STARD9: variants seen among roughly 807,000 people sequenced by gnomAD.
The protein encoded by STARD9 is stAR-related lipid transfer protein 9.
In STARD9, 346 loss-of-function variants were observed where a neutral mutation model predicts 399.8. The ratio of observed to expected loss-of-function variants is 0.87; its 90% CI spans 0.79 to 0.95. The LOEUF (loss-of-function observed/expected upper bound fraction) is 0.95, where lower values mean the gene tolerates loss of function less well. STARD9 is among the 40% of genes least tolerant of loss of function. The pLI is 0.00. For missense variants in STARD9, 5,832 were observed against 5,667.5 expected, an observed-to-expected ratio of 1.03 and a Z score of -0.93; for synonymous variants, 2,203 against 2,143.5, an observed-to-expected ratio of 1.03 and a Z score of -0.77.
chr15:42,678,045 C>A (rs1004565015), intron 20 of STARD9, among the ~76,000 whole-genome samples: 2 of 152,210 alleles, frequency 1.3e-5, no homozygotes, highest in Non-Finnish European at 2.9e-5. Flanking sequence ...GCCTCTCCCA[C>A]CCACTGTCTC....
chr15:42,606,952 C>CATTG (rs936287437), intron 3 of STARD9, among the ~76,000 whole-genome samples: 20 of 151,352 alleles, frequency 1.3e-4, no homozygotes, highest in Non-Finnish European at 2.8e-4. Context: ...AAGTGTACTT[C>CATTG]ATTGATTGAT....
chr15:42,626,678 T>TA, intron 3 of STARD9, among the ~76,000 whole-genome samples: 1 of 151,172 alleles, frequency 6.6e-6, no homozygotes, highest in East Asian at 1.9e-4. Context: ...TTTTGTATTT[T>TA]TTTTTTTTTT....
chr15:42,652,237 T>C (rs181135911), intron 8 of STARD9, among the ~76,000 whole-genome samples: 1 of 151,868 alleles, frequency 6.6e-6, no homozygotes, highest in East Asian at 1.9e-4. Context: ...TAGTCTTCAT[T>C]TCCCTTTTCA....
In STARD9 at chr15:42,584,578, AG is replaced by A. The variant is rs571851383; in HGVS notation, c.118-940del. On this transcript the variant is annotated intron_variant, in intron 2 of 32. Transcript: ENST00000290607. ...TCTGTAGTTTATGATGGCTAGTGGC[AG>A]GGTTGTCTTTCCCTGTCCGGAGTGT... is the stretch of plus-strand genomic sequence containing the variant. Among the ~76,000 whole-genome samples the A allele has an allele frequency of 9.2e-5, 14 of 152,316 alleles. No individual in the cohort carries two copies. The South Asian group carries it at 2.9e-3, about 32-fold the overall frequency.
chr15:42,711,057 T>C (rs954054138), intron 26 of STARD9, among the ~76,000 whole-genome samples: 1 of 151,962 alleles, frequency 6.6e-6, no homozygotes, highest in African/African-American at 2.4e-5. Flanking sequence ...AGCTCATTCT[T>C]ACCTGCAACA....
chr15:42,588,649 C>T (rs2058329297), intron 3 of STARD9, among the ~76,000 whole-genome samples: 2 of 151,952 alleles, frequency 1.3e-5, no homozygotes, highest in South Asian at 4.1e-4. Flanking sequence ...AATTGGAGCT[C>T]AGGTTTAACC....
At position 42,686,421 on chromosome 15, in the gene STARD9, C is replaced by T. The variant is rs1440598880; in HGVS notation, c.4843C>T (p.Pro1615Ser). 6.5e-7 allele frequency: 1 copy of T among 1,537,702 alleles called. No homozygotes were observed. The highest frequency in any genetic ancestry group is 8.7e-7 in the Non-Finnish European group (1 of 1,147,002). Residue 1615 changes from proline (P) to serine (S), a missense_variant, in exon 23 of 33, where the codon CCA becomes TCA. Physicochemically the swap from Pro to Ser is moderately conservative, Grantham distance 74. This residue lies in a region of STARD9 where 5,828 missense variants were observed against 5,651.1 expected (regional missense o/e 1.03). Coordinates refer to ENST00000290607, the MANE Select transcript of STARD9 (RefSeq NM_020759.3). ...GGTCTTTGCAACAGAGAACGCGATA[C>T]CAGATTCCATGACAGAAGCATGTGA... ...AQVFATENAI[P>S]DSMTEACEVK...
chr15:42,651,599 T>A (rs2141991854), intron 8 of STARD9, among the ~76,000 whole-genome samples: 1 of 152,302 alleles, frequency 6.6e-6, no homozygotes, highest in South Asian at 2.1e-4. Flanking sequence ...TACTATGAAA[T>A]ACCTAGAATA....
At chr15:42,674,612 T>C in intron 17 of STARD9, 121 bp downstream of exon 17, 1 of 1,204,424 alleles carries the variant, frequency 8.3e-7, no homozygotes, top group Non-Finnish European at 1.2e-6. Flanking sequence ...CAGGGCCTGC[T>C]TCTCTTTCTG....
chr15:42,712,130 A>ATATATATAATATATATATTATATATT (rs1390998882), intron 26 of STARD9, among the ~76,000 whole-genome samples: 1 of 83,750 alleles, frequency 1.2e-5, no homozygotes, highest in African/African-American at 4.4e-5. Context: ...TATATATATA[A>ATATATATAATATATATATTATATATT]ATGTGCCTTT....
chr15:42,701,992 CAAA>C (rs57444195), intron 26 of STARD9, among the ~76,000 whole-genome samples: 5 of 44,996 alleles, frequency 1.1e-4, no homozygotes, highest in African/African-American at 3.0e-4. Flanking sequence ...GACTCTGACT[CAAA>C]AAAAAAAAAA....
At chr15:42,603,268 C>T (rs1034792511) in intron 3 of STARD9, among the ~76,000 whole-genome samples, 1 of 152,048 alleles carries the variant, frequency 6.6e-6, no homozygotes, top group South Asian at 2.1e-4. Flanking sequence ...ACTACAGGCA[C>T]GTGCTACCAC....
intron 3 of STARD9, among the ~76,000 whole-genome samples, chr15:42,626,674 A>G (rs1266781992): frequency 8.5e-6 from 1 of 118,322 alleles, no homozygotes; most frequent in East Asian, 2.4e-4. Flanking sequence ...CTAATTTTGT[A>G]TTTTTTTTTT....
chr15:42,665,648 C>T, intron 14 of STARD9, 138 bp from the exon 15 acceptor site: 1 of 742,362 alleles, frequency 1.3e-6, no homozygotes, highest in Non-Finnish European at 2.2e-6. Context: ...AGCCCAAATA[C>T]TTAGGCTCCT....
chr15:42,591,413 G>A (rs1338717498), intron 3 of STARD9, among the ~76,000 whole-genome samples: 3 of 151,876 alleles, frequency 2.0e-5, no homozygotes, highest in Admixed American at 1.3e-4. Context: ...GCTTTAACCC[G>A]GGAAGCGGTG....
chr15:42,717,120 G>A, intron 28 of STARD9, 72 bp downstream of exon 28: 1 of 1,506,604 alleles, frequency 6.6e-7, no homozygotes. Flanking sequence ...GGAAGAGAAA[G>A]TAGGAAAAAA....
At chr15:42,576,655 T>G (rs2058063199) in intron 1 of STARD9, among the ~76,000 whole-genome samples, 1 of 152,118 alleles carries the variant, frequency 6.6e-6, no homozygotes, top group African/African-American at 2.4e-5. Context: ...GAGGCACATG[T>G]TGGAATTATT....
intron 10 of STARD9, among the ~76,000 whole-genome samples, chr15:42,662,457 A>C (rs554119606): frequency 2.0e-5 from 3 of 152,360 alleles, no homozygotes; most frequent in African/African-American, 7.2e-5. Flanking sequence ...AAAACTATAA[A>C]TATAGGAATT....
At chr15:42,667,772 C>G (rs1376558732) in intron 15 of STARD9, among the ~76,000 whole-genome samples, 1 of 152,228 alleles carries the variant, frequency 6.6e-6, no homozygotes, top group East Asian at 1.9e-4. Context: ...AGCCACCACA[C>G]CCGGCAGACA....
Sources: gnomAD v4.1 joint callset for allele counts (sites outside exome capture counted in the v4.1 genomes callset) on GRCh38, gnomAD v4.1.1 for gene constraint, gnomAD v4.1.1 regional missense constraint, MANE v1.5 for transcripts, NCBI Gene and HGNC (gene_info 2026-07-23, HGNC 2026-07-21) for gene names.